The following CNBD1 variants were observed in gnomAD, a reference collection of about 807,000 sequenced individuals.
The protein encoded by CNBD1 is cyclic nucleotide-binding domain-containing protein 1.
CNBD1 carries 71 observed loss-of-function variants against 54.4 expected under a neutral mutation model. That is an observed-to-expected ratio of 1.30 (90% confidence interval 1.08 to 1.59). The LOEUF (loss-of-function observed/expected upper bound fraction) is 1.59. CNBD1 is among the 40% of genes most tolerant of loss of function. The pLI, the probability that CNBD1 is intolerant of heterozygous loss-of-function variation, is 0.00. For synonymous variants in CNBD1, 182 were observed against 170.7 expected (o/e 1.07, Z -0.51); for missense variants, 659 against 518.0 (o/e 1.27, Z -2.64).
chr8:86,998,378 G>C (rs1283487155), intron 4 of CNBD1, among the ~76,000 whole-genome samples: 1 of 152,060 alleles, frequency 6.6e-6, no homozygotes, highest in East Asian at 1.9e-4. Flanking sequence ...CACTATGCTA[G>C]GGCCATTTTT....
intron 8 of CNBD1, among the ~76,000 whole-genome samples, chr8:87,342,969 G>T (rs1413609077): frequency 6.6e-6 from 1 of 152,152 alleles, no homozygotes; most frequent in Non-Finnish European, 1.5e-5. Context: ...TACTGCAGGA[G>T]ACCAGGGCAT....
intron 8 of CNBD1, among the ~76,000 whole-genome samples, chr8:87,334,617 A>C (rs1019770686): frequency 6.6e-6 from 1 of 151,436 alleles, no homozygotes; most frequent in Non-Finnish European, 1.5e-5. Flanking sequence ...TTCTGCCTTA[A>C]TTTTGTTATT....
chr8:87,149,155 A>G (rs1812549731), intron 4 of CNBD1, among the ~76,000 whole-genome samples: 1 of 152,146 alleles, frequency 6.6e-6, no homozygotes, highest in South Asian at 2.1e-4. Flanking sequence ...AGGATATGTT[A>G]TTTCTTTGTT....
intron 7 of CNBD1, 44 bp downstream of exon 7, chr8:87,284,859 A>G: frequency 2.9e-6 from 4 of 1,369,194 alleles, no homozygotes; most frequent in Non-Finnish European, 4.0e-6. Context: ...AATTGGGCAT[A>G]AACTCAAGCT....
intron 6 of CNBD1, among the ~76,000 whole-genome samples, chr8:87,254,382 C>T (rs1807970371): frequency 6.6e-6 from 1 of 152,152 alleles, no homozygotes; most frequent in Non-Finnish European, 1.5e-5. Context: ...CAAAGCATTT[C>T]TGTTTAATAG....
intron 4 of CNBD1, among the ~76,000 whole-genome samples, chr8:87,102,440 T>C (rs1313993465): frequency 1.3e-5 from 2 of 152,246 alleles, no homozygotes; most frequent in South Asian, 2.1e-4. Context: ...TAGAAGGCCA[T>C]TGTAATTATA....
chr8:87,280,887 A>AAT, intron 6 of CNBD1, among the ~76,000 whole-genome samples: 1 of 151,672 alleles, frequency 6.6e-6, no homozygotes, highest in South Asian at 2.1e-4. Flanking sequence ...GAGAATTTAC[A>AAT]AGTATGAGAA....
intron 6 of CNBD1, among the ~76,000 whole-genome samples, chr8:87,269,509 C>G (rs527845527): frequency 3.8e-4 from 58 of 152,132 alleles, no homozygotes; most frequent in African/African-American, 1.4e-3. Context: ...TTGCTTTGGG[C>G]CGTATGGCCA....
intron 4 of CNBD1, among the ~76,000 whole-genome samples, chr8:87,099,303 C>T (rs1457250720): frequency 6.6e-6 from 1 of 152,070 alleles, no homozygotes; most frequent in Non-Finnish European, 1.5e-5. Context: ...TCACCAGAGG[C>T]CTCTGTGGGA....
chr8:87,210,845 G>A (rs1245220541), intron 5 of CNBD1, among the ~76,000 whole-genome samples: 1 of 152,166 alleles, frequency 6.6e-6, no homozygotes, highest in Admixed American at 6.5e-5. Flanking sequence ...TGGGATTGAA[G>A]GTCCTACACA....
chr8:87,167,558 A>T (rs1812990657), intron 4 of CNBD1, among the ~76,000 whole-genome samples: 1 of 151,274 alleles, frequency 6.6e-6, no homozygotes, highest in African/African-American at 2.4e-5. Flanking sequence ...ATGACACTGC[A>T]TTTTTTTTCA....
At chr8:87,101,680 T>C (rs1333580640) in intron 4 of CNBD1, among the ~76,000 whole-genome samples, 1 of 152,084 alleles carries the variant, frequency 6.6e-6, no homozygotes, top group Non-Finnish European at 1.5e-5. Flanking sequence ...ACTGCAGAAT[T>C]GACAGTCTTT....
chr8:87,310,579 C>T (rs1809244463), intron 8 of CNBD1, among the ~76,000 whole-genome samples: 1 of 152,010 alleles, frequency 6.6e-6, no homozygotes, highest in African/African-American at 2.4e-5. Flanking sequence ...ACAGTTTTAA[C>T]ACTATTTCTA....
chr8:87,359,137 A>C (rs1373278700), intron 10 of CNBD1, among the ~76,000 whole-genome samples: 1 of 152,190 alleles, frequency 6.6e-6, no homozygotes, highest in Admixed American at 6.6e-5. Flanking sequence ...TTAGTCACTT[A>C]ATAGAATCTC....
intron 8 of CNBD1, among the ~76,000 whole-genome samples, chr8:87,337,808 C>CT: frequency 6.6e-6 from 1 of 152,160 alleles, no homozygotes; most frequent in Admixed American, 6.5e-5. Context: ...CTAGTCAGTT[C>CT]TAATGACAGA....
In CNBD1 at chr8:87,315,255, G is replaced by T. The variant is rs540355606; in HGVS notation, c.1042+28584G>T. On this transcript the variant is annotated intron_variant, in intron 8 of 10. Coordinates refer to ENST00000518476, the MANE Select transcript of CNBD1 (RefSeq NM_173538.3). ...GAATATATTCCAGCTGGATCACAAAGCTCTATACAAGCTGTGATAACACTG... is the reference window on the plus strand; with the variant it reads ...GAATATATTCCAGCTGGATCACAAATCTCTATACAAGCTGTGATAACACTG... Among the ~76,000 whole-genome samples the T allele has an allele frequency of 2.6e-4, 40 of 152,176 alleles. No individual in the cohort carries two copies. In the East Asian group the frequency reaches 4.4e-3, roughly 17 times the overall value.
chr8:87,227,049 A>C (rs1458162222), intron 5 of CNBD1, among the ~76,000 whole-genome samples: 3 of 151,120 alleles, frequency 2.0e-5, no homozygotes, highest in East Asian at 3.9e-4. Flanking sequence ...TTTATCAGAG[A>C]CTAGGATTGC....
intron 2 of CNBD1, among the ~76,000 whole-genome samples, chr8:86,891,450 T>C (rs1808767566): frequency 6.6e-6 from 1 of 152,176 alleles, no homozygotes; most frequent in Non-Finnish European, 1.5e-5. Context: ...TCAGTATGTC[T>C]GTTTTTATAC....
Position 86,899,157 on chromosome 8 carries a change from T to C in CNBD1, c.159-5924T>C, listed in dbSNP as rs529885042. 4.9e-4 allele frequency among the ~76,000 whole-genome samples: 74 copies of C among 152,146 alleles called. 1 individual carries two copies. In the South Asian group the frequency reaches 0.015, roughly 31 times the overall value. The stretch of plus-strand genomic sequence containing the variant: ...TACAGAGATAGAGAACAGTGGTTAC[T>C]AGGGGCAAGGGTGAAGGGAGGAAAT... On this transcript the variant is annotated intron_variant, in intron 2 of 10. Transcript: ENST00000518476.
Sources: allele counts gnomAD v4.1 joint callset (sites outside exome capture counted in the v4.1 genomes callset), GRCh38; gene constraint gnomAD v4.1.1; transcripts MANE v1.5; gene names NCBI Gene and HGNC (gene_info 2026-07-23, HGNC 2026-07-21).